SLC25A25: variants seen among roughly 807,000 people sequenced by gnomAD.
SLC25A25 encodes the protein mitochondrial adenyl nucleotide antiporter SLC25A25.
SLC25A25 carries 32 observed loss-of-function variants against 57.7 expected under a neutral mutation model. The observed-to-expected ratio is 0.55, with a 90% CI of 0.42 to 0.74. The LOEUF is 0.74. Among genes scored for constraint, SLC25A25 ranks in the 30% least tolerant of loss-of-function variants. The pLI, the probability that SLC25A25 is intolerant of heterozygous loss-of-function variation, is 0.00. For missense variants in SLC25A25, 556 were observed against 701.3 expected, an observed-to-expected ratio of 0.79 and a Z score of 2.34; for synonymous variants, 306 against 291.2, an observed-to-expected ratio of 1.05 and a Z score of -0.52.
intron 1 of SLC25A25, among the ~76,000 whole-genome samples, chr9:128,080,250 CAAA>C (rs67092008): frequency 7.1e-6 from 1 of 140,812 alleles, no homozygotes; most frequent in Non-Finnish European, 1.5e-5. Context: ...AACAAAAAAA[CAAA>C]AAAAAAACCC....
rs532401931 is a variant in SLC25A25 at position 128,100,998 on chromosome 9, G to C, written c.262-98G>C. On this transcript the variant is annotated intron_variant, in intron 1 of 10. Coordinates refer to ENST00000373069, the MANE Select transcript of SLC25A25 (RefSeq NM_001330988.2). Reference sequence around the variant, plus strand: ...TGGGTCCTTGGGGCCAGCTCTGCTCGCAATTAGTGAAGTCATTGCCTGGGG... The same window carrying C: ...TGGGTCCTTGGGGCCAGCTCTGCTCCCAATTAGTGAAGTCATTGCCTGGGG... 4.2e-5 allele frequency: 64 copies of C among 1,538,208 alleles called. No individual in the cohort carries two copies. The Middle Eastern group carries it at 1.6e-3, about 39-fold the overall frequency.
chr9:128,106,869 T>A (rs993966213), intron 9 of SLC25A25, among the ~76,000 whole-genome samples, 160 bp from the exon 10 acceptor site: 5 of 151,974 alleles, frequency 3.3e-5, no homozygotes, highest in African/African-American at 1.2e-4. Context: ...GTCCCGGAAT[T>A]CCCAGTGACA....
At chr9:128,096,840 G>T (rs1379621919) in intron 1 of SLC25A25, among the ~76,000 whole-genome samples, 2 of 152,248 alleles carry the variant, frequency 1.3e-5, no homozygotes, top group Non-Finnish European at 2.9e-5. Context: ...TTAAGAGATA[G>T]CTGAGTGTCA....
At chr9:128,074,053 T>C (rs1413564230) in intron 1 of SLC25A25, among the ~76,000 whole-genome samples, 1 of 149,558 alleles carries the variant, frequency 6.7e-6, no homozygotes, top group African/African-American at 2.5e-5. Flanking sequence ...TTTTTTTGTG[T>C]GTGTGTGACG....
chr9:128,106,580 T>TCC (rs896886851), intron 9 of SLC25A25, 60 bp downstream of exon 9: 1 of 1,515,836 alleles, frequency 6.6e-7, no homozygotes. Flanking sequence ...ACCTGCTGTC[T>TCC]CCCTCCTTGA....
rs1321363390 is a variant in SLC25A25, at chr9:128,068,406, G to T, written c.87G>T (p.Pro29=). ...CCGCCTCTTCGTCTGCCTCATCGCC[G>T]GCGTCCGTGGGGGACCCCTGCGGCG... ...ATAASSSASS[P]ASVGDPCGGA... The change falls in exon 1 of 11, where the codon CCG becomes CCT. Residue 29 remains proline (P), a synonymous_variant. Coordinates refer to ENST00000373069, the MANE Select transcript of SLC25A25 (RefSeq NM_001330988.2). 3 of 1,556,496 alleles carry T rather than the reference G, an allele frequency of 1.9e-6. No homozygotes were observed. The highest frequency in any genetic ancestry group is 2.6e-6 in the Non-Finnish European group (3 of 1,161,376).
rs1406192736 is a variant in SLC25A25, at chr9:128,099,381, C to T, written c.262-1715C>T. On this transcript the variant is annotated intron_variant, in intron 1 of 10. Coordinates refer to ENST00000373069, the MANE Select transcript of SLC25A25 (RefSeq NM_001330988.2). The surrounding 1 kb of genome is among the most constrained non-coding windows in gnomAD (Gnocchi z 6.8). ...CACTTTGAGAATGCGTTGAAGCCAG[C>T]TGCGGTGAGCACACCCTCTGCTCTG... 5.0e-6 allele frequency: 6 copies of T among 1,197,980 alleles called. No individual in the cohort carries two copies. The highest frequency in any genetic ancestry group is 6.4e-6 in the Non-Finnish European group (6 of 944,774). The allele number at this position is 1,197,980 out of a possible 1,614,324, so 74.2% of individuals were successfully genotyped here. A position where few individuals can be genotyped will look rare whatever the true frequency, so the allele number is the denominator to read the frequency against.
chr9:128,087,667 A>G lies in SLC25A25; in HGVS notation c.262-13429A>G, dbSNP rs564168161. 2.6e-5 allele frequency among the ~76,000 whole-genome samples: 4 copies of G among 152,244 alleles called. No individual in the cohort carries two copies. The East Asian group carries it at 7.7e-4, about 29-fold the overall frequency. ...AACTATTTTTTCAGCCCCCTCCTTC[A>G]TGGACTCCAGCTATGGGTGTTAACC... On this transcript the variant is annotated intron_variant, in intron 1 of 10. Transcript: ENST00000373069.
intron 1 of SLC25A25, among the ~76,000 whole-genome samples, chr9:128,070,028 C>T (rs2130779042): frequency 6.7e-6 from 1 of 149,594 alleles, no homozygotes; most frequent in South Asian, 2.1e-4. Context: ...CGCCATTCTC[C>T]TGCCTCAGCC....
intron 1 of SLC25A25, among the ~76,000 whole-genome samples, chr9:128,083,673 C>G (rs1833210439): frequency 3.2e-5 from 1 of 31,224 alleles, no homozygotes; most frequent in Non-Finnish European, 8.7e-5. Flanking sequence ...CCACGCCCAG[C>G]GAATTTTTTT....
intron 1 of SLC25A25, among the ~76,000 whole-genome samples, chr9:128,092,497 G>T (rs1833438735): frequency 6.6e-6 from 1 of 151,984 alleles, no homozygotes; most frequent in Admixed American, 6.6e-5. Flanking sequence ...AGCTGTGGGG[G>T]TGGTCTTGGC....
At position 128,106,069 on chromosome 9, in the gene SLC25A25, G is replaced by A. The variant is rs375009989; in HGVS notation, c.937-81G>A. On this transcript the variant is annotated intron_variant, in intron 7 of 10. Transcript: ENST00000373069. ...ATTTCTGGGTAGCATAAAATGTGCC[G>A]GGGACTCCTGGAAGGGAGGGGCAGC... 2.6e-4 allele frequency: 402 copies of A among 1,575,554 alleles called. 1 individual carries two copies. The highest frequency in any genetic ancestry group is 3.2e-4 in the Non-Finnish European group (371 of 1,147,014).
intron 1 of SLC25A25, among the ~76,000 whole-genome samples, chr9:128,073,635 C>T (rs1381136863): frequency 2.0e-5 from 3 of 152,088 alleles, no homozygotes; most frequent in African/African-American, 7.2e-5. Context: ...AAGAAAAATG[C>T]TTTTCACAGA....
intron 1 of SLC25A25, among the ~76,000 whole-genome samples, chr9:128,085,512 A>G (rs1403043512): frequency 1.3e-5 from 2 of 152,194 alleles, no homozygotes; most frequent in African/African-American, 4.8e-5. Context: ...AAGGTATTCA[A>G]TTGAACACAT....
At position 128,102,524 on chromosome 9, in the gene SLC25A25, C is replaced by A; in HGVS notation, c.624+43C>A. On this transcript the variant is annotated intron_variant, in intron 5 of 10. Transcript: ENST00000373069. The surrounding 1 kb of genome is among the most constrained non-coding windows in gnomAD (Gnocchi z 4.1). ...AGGGCCCTCATCTGCTCCCAGGGAC[C>A]CTTAGCCCAGAGTCACCCAGTCGTC... is the stretch of plus-strand genomic sequence containing the variant. The A allele has an allele frequency of 6.5e-7, 1 of 1,536,920 alleles. No homozygotes were observed. Among genetic ancestry groups the A allele is most frequent in the Non-Finnish European group, 9.0e-7 (1 of 1,117,298 alleles).
chr9:128,097,819 G>A (rs1262608356), intron 1 of SLC25A25, among the ~76,000 whole-genome samples: 1 of 152,192 alleles, frequency 6.6e-6, no homozygotes, highest in African/African-American at 2.4e-5. Context: ...CTAGGTGAAG[G>A]CTGGTGCTCA....
chr9:128,069,542 G>A (rs563588419), intron 1 of SLC25A25, among the ~76,000 whole-genome samples: 2 of 152,190 alleles, frequency 1.3e-5, no homozygotes, highest in South Asian at 4.1e-4. Context: ...AGAGAATCTC[G>A]TAGCCAAGTA....
chr9:128,106,569 C>T (rs370870605), intron 9 of SLC25A25, 49 bp downstream of exon 9: 2 of 1,525,206 alleles, frequency 1.3e-6, no homozygotes, highest in African/African-American at 1.4e-5. Context: ...AGCACACCTC[C>T]ACCTGCTGTC....
At chr9:128,083,513 C>CTTTTTTTTTTTTTTTTTTTTTTTT (rs1315501906) in intron 1 of SLC25A25, among the ~76,000 whole-genome samples, 1 of 117,454 alleles carries the variant, frequency 8.5e-6, no homozygotes, top group African/African-American at 3.2e-5. Context: ...TTTCTTTTTT[C>CTTTTTTTTTTTTTTTTTTTTTTTT]TTTTTTTTTT....
Sources: gnomAD v4.1 joint callset for allele counts (sites outside exome capture counted in the v4.1 genomes callset) on GRCh38, gnomAD v4.1.1 for gene constraint, Gnocchi (gnomAD v3.1) non-coding constraint, MANE v1.5 for transcripts, NCBI Gene and HGNC (gene_info 2026-07-23, HGNC 2026-07-21) for gene names.